RAB7A: variants seen among roughly 807,000 people sequenced by gnomAD.
The protein encoded by RAB7A is RAB7A, member RAS oncogene family.
A neutral mutation model predicts 24.5 loss-of-function variants in RAB7A; 2 were observed. That is an observed-to-expected ratio of 0.08 (90% CI 0.03 to 0.26). The LOEUF is 0.26. Among genes scored for constraint, RAB7A ranks in the 10% least tolerant of loss-of-function variants. RAB7A has a pLI of 1.00. For missense variants in RAB7A, 118 were observed against 255.7 expected, an observed-to-expected ratio of 0.46 and a Z score of 3.67; for synonymous variants, 100 against 95.9, an observed-to-expected ratio of 1.04 and a Z score of -0.25.
At chr3:128,763,385 T>C (rs1249547004) in intron 1 of RAB7A, among the ~76,000 whole-genome samples, 1 of 151,340 alleles carries the variant, frequency 6.6e-6, no homozygotes, top group African/African-American at 2.4e-5. Flanking sequence ...TGGCTAATTT[T>C]TTTTTGTATT....
chr3:128,740,280 C>G (rs1306052439), intron 1 of RAB7A, among the ~76,000 whole-genome samples: 1 of 151,750 alleles, frequency 6.6e-6, no homozygotes, highest in East Asian at 1.9e-4. Context: ...ACTCTGGAGG[C>G]TGAGGCAGGA....
intron 1 of RAB7A, among the ~76,000 whole-genome samples, chr3:128,736,430 T>A (rs1482527903): frequency 6.6e-6 from 1 of 152,182 alleles, no homozygotes; most frequent in Non-Finnish European, 1.5e-5. Context: ...TCAAGCACTA[T>A]CAGACAGAAT....
chr3:128,782,361 T>A (rs1933239095), intron 1 of RAB7A, among the ~76,000 whole-genome samples: 2 of 152,274 alleles, frequency 1.3e-5, no homozygotes, highest in South Asian at 4.1e-4. Flanking sequence ...TCCCTCATGG[T>A]CCATCCAGGC....
chr3:128,741,607 C>G (rs1188074425), intron 1 of RAB7A, among the ~76,000 whole-genome samples: 1 of 152,028 alleles, frequency 6.6e-6, no homozygotes, highest in Non-Finnish European at 1.5e-5. Context: ...TGGTCTCGAA[C>G]TCCTGCACTC....
intron 2 of RAB7A, among the ~76,000 whole-genome samples, 189 bp downstream of exon 2, chr3:128,795,609 G>A (rs1312683050): frequency 6.6e-6 from 1 of 151,960 alleles, no homozygotes; most frequent in East Asian, 1.9e-4. Context: ...TTTTTAGCAT[G>A]ATTTTTTATG....
chr3:128,773,445 C>G (rs1256940947), intron 1 of RAB7A, among the ~76,000 whole-genome samples: 2 of 144,554 alleles, frequency 1.4e-5, no homozygotes, highest in African/African-American at 2.5e-5. Context: ...CCCCGCCCGG[C>G]CAGCCGCCCC....
intron 1 of RAB7A, among the ~76,000 whole-genome samples, chr3:128,741,708 T>G (rs1332114321): frequency 6.6e-6 from 1 of 152,188 alleles, no homozygotes; most frequent in Non-Finnish European, 1.5e-5. Flanking sequence ...TTAACTCTTC[T>G]GTTTCATTCT....
intron 1 of RAB7A, among the ~76,000 whole-genome samples, chr3:128,765,356 A>T (rs2070820602): frequency 6.6e-6 from 1 of 152,004 alleles, no homozygotes; most frequent in Admixed American, 6.6e-5. Flanking sequence ...TGCTTCTCAC[A>T]CTTACCCATA....
chr3:128,802,910 T>C (rs1441844432), intron 3 of RAB7A, among the ~76,000 whole-genome samples: 3 of 152,052 alleles, frequency 2.0e-5, no homozygotes, highest in Non-Finnish European at 4.4e-5. Flanking sequence ...ATTCAGGCAA[T>C]TCTCCTGCCT....
rs571936664 is a variant in RAB7A, at chr3:128,766,681, A to G, written c.-8-28679A>G. Among the ~76,000 whole-genome samples, 4 of 152,214 alleles carry G rather than the reference A, an allele frequency of 2.6e-5. No individual in the cohort carries two copies. The East Asian group carries it at 7.7e-4, about 29-fold the overall frequency. Reference sequence around the variant, plus strand: ...AGATGGCAGAGCAGATCCCATAGGAATGGTCATGTGTGTGTGTTTGGTTTT... The same window carrying G: ...AGATGGCAGAGCAGATCCCATAGGAGTGGTCATGTGTGTGTGTTTGGTTTT... On this transcript the variant is annotated intron_variant, in intron 1 of 5. Coordinates refer to ENST00000265062, the MANE Select transcript of RAB7A (RefSeq NM_004637.6).
At chr3:128,739,994 A>G (rs1262373511) in intron 1 of RAB7A, among the ~76,000 whole-genome samples, 3 of 152,128 alleles carry the variant, frequency 2.0e-5, no homozygotes, top group Admixed American at 2.0e-4. Context: ...TGAACCTGGT[A>G]GGCAGAGGTT....
chr3:128,778,364 T>G (rs113662237), intron 1 of RAB7A, among the ~76,000 whole-genome samples: 88 of 152,276 alleles, frequency 5.8e-4, no homozygotes, highest in African/African-American at 2.0e-3. Flanking sequence ...TTTCCTAATG[T>G]CTCCCCTGCT....
At chr3:128,747,316 G>A (rs1291157586) in intron 1 of RAB7A, among the ~76,000 whole-genome samples, 1 of 151,518 alleles carries the variant, frequency 6.6e-6, no homozygotes. Flanking sequence ...GCCGGGCGCA[G>A]TGGCTCACGC....
At chr3:128,753,241 T>G (rs2070703151) in intron 1 of RAB7A, among the ~76,000 whole-genome samples, 1 of 152,134 alleles carries the variant, frequency 6.6e-6, no homozygotes, top group East Asian at 1.9e-4. Flanking sequence ...GGCCATTATG[T>G]TAAGTGAAGT....
intron 1 of RAB7A, among the ~76,000 whole-genome samples, chr3:128,732,991 G>C (rs142817644): frequency 1.8e-4 from 28 of 152,338 alleles, no homozygotes; most frequent in African/African-American, 6.3e-4. Flanking sequence ...ATGTTTGTTG[G>C]TAACGAGTGA....
chr3:128,729,376 C>G (rs7627416), intron 1 of RAB7A, among the ~76,000 whole-genome samples: 2,098 of 152,202 alleles, frequency 0.014, 45 homozygotes, highest in African/African-American at 0.048. Flanking sequence ...CGAGACCATC[C>G]TGGCTAACAC....
intron 2 of RAB7A, among the ~76,000 whole-genome samples, chr3:128,795,634 A>G (rs1933550316): frequency 6.6e-6 from 1 of 151,254 alleles, no homozygotes; most frequent in South Asian, 2.1e-4. Context: ...ACGGATGGCT[A>G]TTTGAACTCA....
intron 3 of RAB7A, among the ~76,000 whole-genome samples, chr3:128,801,497 G>C (rs1014258258): frequency 2.6e-5 from 4 of 152,244 alleles, no homozygotes; most frequent in African/African-American, 9.6e-5. Flanking sequence ...AAGGGGCTTT[G>C]GTTAAAGATA....
intron 3 of RAB7A, among the ~76,000 whole-genome samples, chr3:128,803,711 TA>T (rs1559796780): frequency 6.6e-6 from 1 of 152,194 alleles, no homozygotes; most frequent in Non-Finnish European, 1.5e-5. Context: ...ATATAACTGT[TA>T]ACTTTTGGGA....
Sources: allele counts gnomAD v4.1 joint callset (sites outside exome capture counted in the v4.1 genomes callset), GRCh38; gene constraint gnomAD v4.1.1; transcripts MANE v1.5; gene names NCBI Gene and HGNC (gene_info 2026-07-23, HGNC 2026-07-21).